IQCJ: variants seen among roughly 807,000 people sequenced by gnomAD.
The protein encoded by IQCJ is IQ motif containing J, also known as IQ domain-containing protein J.
In IQCJ, 9 loss-of-function variants were observed where a neutral mutation model predicts 11.0. The ratio of observed to expected loss-of-function variants is 0.82; its 90% CI spans 0.49 to 1.43. IQCJ has a LOEUF of 1.43. IQCJ is among the 40% of genes most tolerant of loss of function. IQCJ has a pLI of 0.00. For missense variants in IQCJ, 146 were observed against 133.2 expected, an observed-to-expected ratio of 1.10 and a Z score of -0.47; for synonymous variants, 55 against 51.3, an observed-to-expected ratio of 1.07 and a Z score of -0.31.
In IQCJ at chr3:159,110,983, G is replaced by A. The variant is rs555889631; in HGVS notation, c.9+41542G>A. Among the ~76,000 whole-genome samples the A allele has an allele frequency of 2.8e-4, 42 of 152,332 alleles. 1 individual carries two copies. The highest frequency in any genetic ancestry group is 9.6e-4 in the African/African-American group (40 of 41,582). ...ACCTGAATATGACTAGATCCTTTAT[G>A]ATAACAGAAGAGGCTTTCAGCAAAC... On this transcript the variant is annotated intron_variant, in intron 1 of 3. Transcript: ENST00000397832.
At chr3:159,228,292 G>C (rs761226782) in intron 1 of IQCJ, among the ~76,000 whole-genome samples, 1 of 152,160 alleles carries the variant, frequency 6.6e-6, no homozygotes, top group African/African-American at 2.4e-5. Flanking sequence ...ACATGCTGCT[G>C]TAGCTGTCTG....
intron 1 of IQCJ, among the ~76,000 whole-genome samples, chr3:159,184,425 A>C (rs999498316): frequency 1.3e-5 from 2 of 152,100 alleles, no homozygotes; most frequent in South Asian, 4.2e-4. Flanking sequence ...AGCTCTTCTC[A>C]ATGTCTAAAC....
intron 1 of IQCJ, among the ~76,000 whole-genome samples, chr3:159,128,793 CT>C (rs1719824857): frequency 1.3e-5 from 2 of 152,230 alleles, no homozygotes; most frequent in South Asian, 4.1e-4. Flanking sequence ...CAAACTTCTC[CT>C]TCACAATATA....
chr3:159,151,637 CAGACT>C (rs1420890206), intron 1 of IQCJ, among the ~76,000 whole-genome samples: 4 of 152,148 alleles, frequency 2.6e-5, no homozygotes, highest in African/African-American at 9.7e-5. Context: ...TAAGGAGAGT[CAGACT>C]AGATTTTTTT....
At chr3:159,134,032 CTT>C (rs55657458) in intron 1 of IQCJ, among the ~76,000 whole-genome samples, 38,097 of 151,386 alleles carry the variant, frequency 0.25, 5,821 homozygotes, top group South Asian at 0.4. Flanking sequence ...AATTATTTTT[CTT>C]GCACTCTTAA....
At chr3:159,069,464 C>G in intron 1 of IQCJ, 23 bp downstream of exon 1, 1 of 1,607,266 alleles carries the variant, frequency 6.2e-7, no homozygotes, top group African/African-American at 1.3e-5. Context: ...CTTTTCTAAA[C>G]GTGCCACTTT....
intron 1 of IQCJ, among the ~76,000 whole-genome samples, chr3:159,083,982 G>C (rs1716513844): frequency 1.3e-5 from 2 of 152,024 alleles, no homozygotes; most frequent in Admixed American, 6.6e-5. Context: ...TCTGTATATG[G>C]ACTGTGGTAG....
chr3:159,261,193 A>G (rs1728182219), intron 3 of IQCJ, among the ~76,000 whole-genome samples: 1 of 152,218 alleles, frequency 6.6e-6, no homozygotes. Flanking sequence ...GTGTGAAAGA[A>G]TTACAGAGAT....
rs1013290581 is a variant in IQCJ, at chr3:159,198,161, G to T, written c.10-47682G>T. ...AACAAAGAATGTGTGGCAGAAATTG[G>T]GAAGTTTCCTCAATGGTTATAGGGT... is the stretch of plus-strand genomic sequence containing the variant. On this transcript the variant is annotated intron_variant, in intron 1 of 3. Coordinates refer to ENST00000397832, the MANE Select transcript of IQCJ (RefSeq NM_001042706.3). 2.6e-5 allele frequency among the ~76,000 whole-genome samples: 4 copies of T among 152,110 alleles called. No homozygotes were observed. In the East Asian group the frequency reaches 7.7e-4, roughly 29 times the overall value.
rs189048649 is a variant in IQCJ, at chr3:159,260,646, G to A, written c.156-1902G>A. On this transcript the variant is annotated intron_variant, in intron 3 of 3. Transcript: ENST00000397832. ...CAAACTCAGGCAGGCAATCTTATGG[G>A]ACTCCCTTTCCCATTCTGCTTAAAA... Among the ~76,000 whole-genome samples the A allele has an allele frequency of 9.4e-3, 1,432 of 152,174 alleles. 14 individuals are homozygous for A. Among genetic ancestry groups the A allele is most frequent in the Middle Eastern group, 0.044 (13 of 294 alleles).
At chr3:159,213,254 C>T (rs1560027768) in intron 1 of IQCJ, among the ~76,000 whole-genome samples, 1 of 152,206 alleles carries the variant, frequency 6.6e-6, no homozygotes, top group Non-Finnish European at 1.5e-5. Flanking sequence ...AGGAGGCATT[C>T]ATGAAGCTAA....
chr3:159,160,307 T>C (rs1480175321), intron 1 of IQCJ, among the ~76,000 whole-genome samples: 1 of 151,920 alleles, frequency 6.6e-6, no homozygotes, highest in African/African-American at 2.4e-5. Flanking sequence ...TCTATTATTA[T>C]TTTTTTCTTT....
At chr3:159,173,359 T>A (rs867121036) in intron 1 of IQCJ, among the ~76,000 whole-genome samples, 55 of 152,352 alleles carry the variant, frequency 3.6e-4, no homozygotes, top group African/African-American at 1.2e-3. Flanking sequence ...TTTATATATC[T>A]TCAAAGTGTT....
At chr3:159,233,862 G>A (rs1726418123) in intron 1 of IQCJ, among the ~76,000 whole-genome samples, 1 of 152,160 alleles carries the variant, frequency 6.6e-6, no homozygotes, top group Non-Finnish European at 1.5e-5. Context: ...TTGTATAGGA[G>A]GCATTGCCAT....
At chr3:159,179,601 C>G (rs1722977100) in intron 1 of IQCJ, among the ~76,000 whole-genome samples, 1 of 151,980 alleles carries the variant, frequency 6.6e-6, no homozygotes, top group African/African-American at 2.4e-5. Context: ...ATTAAAATAT[C>G]TATCATAGAT....
chr3:159,217,274 A>G (rs1486829916), intron 1 of IQCJ, among the ~76,000 whole-genome samples: 2 of 152,188 alleles, frequency 1.3e-5, no homozygotes, highest in Non-Finnish European at 2.9e-5. Flanking sequence ...GCACTATAGC[A>G]CTTATAAATA....
chr3:159,078,816 A>G (rs907463152), intron 1 of IQCJ, among the ~76,000 whole-genome samples: 16 of 152,198 alleles, frequency 1.1e-4, no homozygotes, highest in Admixed American at 7.9e-4. Context: ...AATCTTGGGC[A>G]AACTGTTTCC....
chr3:159,167,816 C>T (rs1722256839), intron 1 of IQCJ, among the ~76,000 whole-genome samples: 1 of 152,078 alleles, frequency 6.6e-6, no homozygotes, highest in Non-Finnish European at 1.5e-5. Flanking sequence ...CTAAGGTTGC[C>T]TTTGCTGTGA....
intron 1 of IQCJ, among the ~76,000 whole-genome samples, chr3:159,170,305 G>A (rs771507634): frequency 9.2e-5 from 14 of 152,016 alleles, no homozygotes; most frequent in Non-Finnish European, 5.9e-5. Context: ...GGAAAGCAAG[G>A]AGGAAGGGAG....
Sources: gnomAD v4.1 joint callset for allele counts (sites outside exome capture counted in the v4.1 genomes callset) on GRCh38, gnomAD v4.1.1 for gene constraint, MANE v1.5 for transcripts, NCBI Gene and HGNC (gene_info 2026-07-23, HGNC 2026-07-21) for gene names.